Variants in ZNF385D observed in about 807,000 individuals in gnomAD.
ZNF385D encodes zinc finger protein 385D.
ZNF385D carries 15 observed loss-of-function variants against 35.8 expected under a neutral mutation model. That is an observed-to-expected ratio of 0.42 (90% CI 0.28 to 0.64). The LOEUF (loss-of-function observed/expected upper bound fraction) is 0.64, where lower values mean the gene tolerates loss of function less well. ZNF385D is among the 30% of genes least tolerant of loss of function. The probability of loss-of-function intolerance (pLI) is 0.23; values close to 1 mark genes in which losing one functional copy is unlikely to be tolerated. For missense variants in ZNF385D, 474 were observed against 494.6 expected (o/e 0.96, Z 0.39); for synonymous variants, 212 against 186.8 (o/e 1.13, Z -1.10).
At chr3:22,298,463 TA>T (rs1308841532) in intron 2 of ZNF385D, among the ~76,000 whole-genome samples, 1 of 124,602 alleles carries the variant, frequency 8.0e-6, no homozygotes. Context: ...ATATATAATA[TA>T]TAAATATACA....
intron 3 of ZNF385D, among the ~76,000 whole-genome samples, chr3:22,164,817 G>A (rs1047769062): frequency 9.2e-5 from 14 of 152,032 alleles, no homozygotes; most frequent in African/African-American, 2.9e-4. Context: ...TTATTTAAAA[G>A]CAGGATAGTT....
chr3:21,938,456 G>A (rs572508198), intron 3 of ZNF385D, among the ~76,000 whole-genome samples: 1 of 152,124 alleles, frequency 6.6e-6, no homozygotes, highest in Admixed American at 6.6e-5. Context: ...GCAATTATTG[G>A]CCTACCCACA....
At chr3:22,008,516 C>T (rs1696364637) in intron 3 of ZNF385D, among the ~76,000 whole-genome samples, 1 of 152,030 alleles carries the variant, frequency 6.6e-6, no homozygotes, top group Non-Finnish European at 1.5e-5. Context: ...GCCACCTCTC[C>T]CTGCTAATTT....
chr3:21,982,395 G>C (rs1364014053), intron 3 of ZNF385D, among the ~76,000 whole-genome samples: 8 of 152,058 alleles, frequency 5.3e-5, no homozygotes, highest in Admixed American at 2.0e-4. Flanking sequence ...GCTGTTGTTG[G>C]TGTCTAGGAA....
intron 3 of ZNF385D, among the ~76,000 whole-genome samples, chr3:21,788,375 G>T (rs966165936): frequency 6.6e-6 from 1 of 152,074 alleles, no homozygotes; most frequent in Non-Finnish European, 1.5e-5. Context: ...CTACTTGGGG[G>T]GCTGAGGCAT....
intron 3 of ZNF385D, among the ~76,000 whole-genome samples, chr3:22,098,773 T>C (rs1701768546): frequency 6.6e-6 from 1 of 151,924 alleles, no homozygotes; most frequent in South Asian, 2.1e-4. Flanking sequence ...GAAAACTATA[T>C]TTTTAAAGTA....
At chr3:21,991,963 A>G (rs1420619785) in intron 3 of ZNF385D, among the ~76,000 whole-genome samples, 2 of 152,184 alleles carry the variant, frequency 1.3e-5, no homozygotes, top group Admixed American at 1.3e-4. Context: ...CTGGGCTTAA[A>G]TCTTGGCTTA....
At chr3:21,758,981 A>AAAAAAAC (rs1391461996) in intron 3 of ZNF385D, among the ~76,000 whole-genome samples, 10 of 139,470 alleles carry the variant, frequency 7.2e-5, no homozygotes, top group African/African-American at 2.6e-4. Context: ...CTGGCAAAAA[A>AAAAAAAC]AAAAAAAAAA....
At position 21,646,638 on chromosome 3, in the gene ZNF385D, T is replaced by G. The variant is rs547386924; in HGVS notation, c.165+18248A>C. On this transcript the variant is annotated intron_variant, in intron 2 of 7. Coordinates refer to ENST00000281523, the MANE Select transcript of ZNF385D (RefSeq NM_024697.3). This position sits in a 1 kb window ranked among gnomAD's most constrained non-coding sequence, Gnocchi z 4.3. ...AAACTCTGATAATCTTGACAACTCT[T>G]CAGTCTCCATTTACTTCAGAGGCAA... is the stretch of plus-strand genomic sequence containing the variant. Among the ~76,000 whole-genome samples, 1 of 152,326 alleles carries G rather than the reference T, an allele frequency of 6.6e-6. No individual in the cohort carries two copies. Among genetic ancestry groups the G allele is most frequent in the East Asian group, 1.9e-4 (1 of 5,184 alleles).
At chr3:22,187,683 A>C (rs1185302511) in intron 2 of ZNF385D, among the ~76,000 whole-genome samples, 4 of 152,168 alleles carry the variant, frequency 2.6e-5, no homozygotes, top group Admixed American at 1.3e-4. Flanking sequence ...ATATATATTT[A>C]ATTAAAATTA....
chr3:21,585,945 A>C (rs2063796573), intron 2 of ZNF385D, among the ~76,000 whole-genome samples: 1 of 152,040 alleles, frequency 6.6e-6, no homozygotes, highest in African/African-American at 2.4e-5. Context: ...GAGGTAGGGG[A>C]ACTACTTGAA....
chr3:21,422,114 T>C (rs1700767716), intron 7 of ZNF385D, among the ~76,000 whole-genome samples: 1 of 152,216 alleles, frequency 6.6e-6, no homozygotes, highest in African/African-American at 2.4e-5. Context: ...ACTGAGAGAA[T>C]GTTCCCATTT....
chr3:22,071,931 C>G (rs911144140), intron 3 of ZNF385D, among the ~76,000 whole-genome samples: 1 of 152,006 alleles, frequency 6.6e-6, no homozygotes, highest in African/African-American at 2.4e-5. Context: ...AATGGTCTTG[C>G]AAGGTCTGGT....
chr3:21,548,730 G>A (rs1264525553), intron 3 of ZNF385D, among the ~76,000 whole-genome samples: 1 of 152,136 alleles, frequency 6.6e-6, no homozygotes, highest in African/African-American at 2.4e-5. Context: ...GATGGTCTTA[G>A]TTGAAAACTA....
chr3:21,787,526 G>A (rs1042252270), intron 3 of ZNF385D, among the ~76,000 whole-genome samples: 1 of 151,794 alleles, frequency 6.6e-6, no homozygotes, highest in Admixed American at 6.6e-5. Flanking sequence ...TGGAAGAGTA[G>A]AAGCCCTTTC....
At chr3:21,638,485 A>C (rs999562889) in intron 2 of ZNF385D, among the ~76,000 whole-genome samples, 2 of 152,060 alleles carry the variant, frequency 1.3e-5, no homozygotes, top group African/African-American at 4.8e-5. Context: ...TGCAGCATCC[A>C]CCTGAGCCCA....
At chr3:21,990,923 T>C (rs1214664977) in intron 3 of ZNF385D, among the ~76,000 whole-genome samples, 2 of 152,228 alleles carry the variant, frequency 1.3e-5, no homozygotes, top group Non-Finnish European at 2.9e-5. Context: ...ACAGCGGATC[T>C]ATCTTTCTAA....
chr3:21,806,126 C>G (rs1878012), intron 3 of ZNF385D, among the ~76,000 whole-genome samples: 35,248 of 151,888 alleles, frequency 0.23, 4,211 homozygotes, highest in East Asian at 0.41. Context: ...GCTTGCCTGC[C>G]GGACTACCTG....
At chr3:22,278,572 A>G (rs1444358225) in intron 2 of ZNF385D, among the ~76,000 whole-genome samples, 2 of 152,060 alleles carry the variant, frequency 1.3e-5, no homozygotes, top group African/African-American at 4.8e-5. Flanking sequence ...CTCATATTCA[A>G]TTTAGTTCTA....
Sources: allele counts gnomAD v4.1 joint callset (sites outside exome capture counted in the v4.1 genomes callset), GRCh38; gene constraint gnomAD v4.1.1; non-coding constraint Gnocchi (gnomAD v3.1); transcripts MANE v1.5; gene names NCBI Gene and HGNC (gene_info 2026-07-23, HGNC 2026-07-21).